The following ARHGAP12 variants were observed in gnomAD, a reference collection of about 807,000 sequenced individuals.
The protein encoded by ARHGAP12 is Rho GTPase activating protein 12.
Under a neutral mutation model 108.6 loss-of-function variants are expected in ARHGAP12, and 64 were observed. The observed-to-expected ratio is 0.59, with a 90% CI of 0.48 to 0.73. The LOEUF (loss-of-function observed/expected upper bound fraction) is 0.73, where lower values mean the gene tolerates loss of function less well. Ranked by LOEUF, ARHGAP12 falls within the 30% of genes least tolerant of loss-of-function variation. ARHGAP12 has a pLI of 0.00. For synonymous variants in ARHGAP12, 312 were observed against 337.2 expected (o/e 0.93, Z 0.82); for missense variants, 940 against 1,005.9 (o/e 0.93, Z 0.89).
intron 4 of ARHGAP12, among the ~76,000 whole-genome samples, chr10:31,859,639 A>G (rs1837036417): frequency 6.6e-6 from 1 of 152,202 alleles, no homozygotes; most frequent in Non-Finnish European, 1.5e-5. Context: ...TAAAATAGCT[A>G]AGAAACATGT....
At position 31,808,668 on chromosome 10, in the gene ARHGAP12, G is replaced by C. The variant is rs1474354871; in HGVS notation, c.2347C>G (p.Leu783Val). Reference protein sequence around the residue: ...PKPNQDTMQILFRHLRRVIEN... With the variant: ...PKPNQDTMQIVFRHLRRVIEN... ...TCCTACCTTCTGAGATGTCGGAAAA[G>C]AATCTGCATTGTGTCTTGGTTTGGC... The change falls in exon 19 of 20, where the codon CTT (leucine) becomes GTT (valine). Residue 783 changes from leucine (L) to valine (V), a missense_variant. By Grantham distance (32) the Leu-to-Val change is conservative (BLOSUM62 1). Transcript: ENST00000344936. The C allele has an allele frequency of 1.9e-6, 3 of 1,612,364 alleles. No homozygotes were observed. Among genetic ancestry groups the C allele is most frequent in the Admixed American group, 1.7e-5 (1 of 59,968 alleles).
intron 3 of ARHGAP12, among the ~76,000 whole-genome samples, chr10:31,886,554 T>C (rs1302705626): frequency 6.6e-6 from 1 of 152,194 alleles, no homozygotes; most frequent in Non-Finnish European, 1.5e-5. Context: ...ACTGACTTTA[T>C]ACAGTAGCCA....
chr10:31,865,877 C>CAAA (rs34210099), intron 3 of ARHGAP12, among the ~76,000 whole-genome samples: 17 of 127,900 alleles, frequency 1.3e-4, no homozygotes, highest in Admixed American at 6.9e-4. Context: ...GACTCCGTCT[C>CAAA]AAAAAAAAAA....
chr10:31,908,343 C>T lies in ARHGAP12; in HGVS notation c.513G>A (p.Gln171=), dbSNP rs536989925. Residue 171 remains glutamine (Q), a synonymous_variant, in exon 3 of 20, where the codon CAG becomes CAA. Coordinates refer to ENST00000344936, the MANE Select transcript of ARHGAP12 (RefSeq NM_018287.7). ...NDSHSPKVSS[Q]NRTRSFGHFP... ...AATGACCAAATGAGCGTGTCCTATT[C>T]TGGCTGGAAACTTTAGGAGAATGTG... is the stretch of plus-strand genomic sequence containing the variant. 30 of 1,614,142 alleles carry T rather than the reference C, an allele frequency of 1.9e-5. No homozygotes were observed. In the South Asian group the frequency reaches 2.7e-4, roughly 15 times the overall value.
chr10:31,897,911 C>T (rs549119095), intron 3 of ARHGAP12, among the ~76,000 whole-genome samples: 155 of 152,158 alleles, frequency 1.0e-3, no homozygotes, highest in African/African-American at 3.5e-3. Flanking sequence ...AGATCGCTTG[C>T]GCCCAGGAGT....
chr10:31,865,091 A>G (rs1201201963), intron 3 of ARHGAP12, among the ~76,000 whole-genome samples: 3 of 152,232 alleles, frequency 2.0e-5, no homozygotes, highest in Non-Finnish European at 2.9e-5. Context: ...AGGAGCAGCA[A>G]GTGAAAGGCC....
chr10:31,874,976 A>T (rs1424756813), intron 3 of ARHGAP12, among the ~76,000 whole-genome samples: 1 of 124,858 alleles, frequency 8.0e-6, no homozygotes, highest in African/African-American at 4.4e-5. Context: ...TCTGTCTCAA[A>T]AAAAAAAAAA....
rs144017036 is a variant in ARHGAP12 at position 31,863,729 on chromosome 10, T to C, written c.685-2071A>G. On this transcript the variant is annotated intron_variant, in intron 3 of 19. Coordinates refer to ENST00000344936, the MANE Select transcript of ARHGAP12 (RefSeq NM_018287.7). ...AACAAGCACAGATATTAAGAAAGTCTGTCTTTAGGAAATCTCATATTGTAA... is the reference window on the plus strand; with the variant it reads ...AACAAGCACAGATATTAAGAAAGTCCGTCTTTAGGAAATCTCATATTGTAA... Among the ~76,000 whole-genome samples the C allele has an allele frequency of 8.5e-4, 130 of 152,252 alleles. 2 individuals carry two copies. In the East Asian group the frequency reaches 0.021, roughly 25 times the overall value.
At chr10:31,810,459 A>T (rs1007082) in intron 16 of ARHGAP12, among the ~76,000 whole-genome samples, 190 bp downstream of exon 16, 35,799 of 152,086 alleles carry the variant, frequency 0.24, 4,549 homozygotes, top group East Asian at 0.47. Context: ...AGATGCCTGG[A>T]GAGATCTTAA....
chr10:31,843,564 T>C lies in ARHGAP12; in HGVS notation c.1193A>G (p.Gln398Arg). ...LPKYNASSQQQREIIKSRSLD... is the reference protein window; with the variant it reads ...LPKYNASSQQRREIIKSRSLD... ...GCTCCTACTTTTAATTATTTCTCTT[T>C]GCTGCTGGGATGAAGCATTATACTA... is the stretch of plus-strand genomic sequence containing the variant. Residue 398 changes from glutamine to arginine, a missense_variant, in exon 7 of 20, where the codon CAA becomes CGA. Coordinates refer to ENST00000344936, the MANE Select transcript of ARHGAP12 (RefSeq NM_018287.7). The C allele has an allele frequency of 6.2e-7, 1 of 1,608,738 alleles. No individual in the cohort carries two copies. The highest frequency in any genetic ancestry group is 8.5e-7 in the Non-Finnish European group (1 of 1,178,534).
rs936574024 is a variant in ARHGAP12 at position 31,843,539 on chromosome 10, G to A, written c.1218C>T (p.Ser406=). ...TTGGTTCTTGCAGCCGCCTGTCCAG[G>A]CTCCTACTTTTAATTATTTCTCTTT... ...QQQREIIKSR[S]LDRRLQEPIV... Residue 406 remains serine, a synonymous_variant, in exon 7 of 20, where the codon AGC becomes AGT. Coordinates refer to ENST00000344936, the MANE Select transcript of ARHGAP12 (RefSeq NM_018287.7). 1.2e-6 allele frequency: 2 copies of A among 1,611,562 alleles called. No homozygotes were observed. The highest frequency in any genetic ancestry group is 2.7e-5 in the African/African-American group (2 of 74,730).
intron 3 of ARHGAP12, among the ~76,000 whole-genome samples, chr10:31,903,394 T>C (rs1375175262): frequency 1.3e-5 from 2 of 152,214 alleles, no homozygotes; most frequent in African/African-American, 4.8e-5. Context: ...TGAAATGTCA[T>C]TATGCGGTGC....
At chr10:31,928,613 C>A (rs2132523285) in intron 1 of ARHGAP12, 70 bp downstream of exon 1, 1 of 152,648 alleles carries the variant, frequency 6.6e-6, no homozygotes, top group African/African-American at 2.4e-5. Flanking sequence ...CAGCCCGGCC[C>A]CGGCGCGCCT....
intron 11 of ARHGAP12, among the ~76,000 whole-genome samples, chr10:31,822,181 A>T (rs1835441229): frequency 6.6e-6 from 1 of 152,184 alleles, no homozygotes; most frequent in Admixed American, 6.5e-5. Flanking sequence ...CTCCCCACCA[A>T]TGTATTCATC....
chr10:31,847,301 T>C (rs1332760682), intron 6 of ARHGAP12, among the ~76,000 whole-genome samples: 4 of 152,142 alleles, frequency 2.6e-5, no homozygotes, highest in African/African-American at 9.6e-5. Flanking sequence ...TATTTGGATG[T>C]TTTGAGTACT....
intron 11 of ARHGAP12, 105 bp downstream of exon 11, chr10:31,826,199 C>A: frequency 1.3e-6 from 1 of 764,300 alleles, no homozygotes; most frequent in Non-Finnish European, 2.0e-6. Context: ...TATTTGCACA[C>A]TAGCTATAAC....
At chr10:31,814,441 T>TC in intron 13 of ARHGAP12, 80 bp from the exon 14 acceptor site, 1 of 1,148,636 alleles carries the variant, frequency 8.7e-7, no homozygotes, top group Non-Finnish European at 1.3e-6. Flanking sequence ...TCACAATGAC[T>TC]ATTGTAAATG....
chr10:31,874,523 T>C (rs1199021383), intron 3 of ARHGAP12, among the ~76,000 whole-genome samples: 1 of 152,220 alleles, frequency 6.6e-6, no homozygotes, highest in Non-Finnish European at 1.5e-5. Context: ...CTTAAAGCTG[T>C]CTTGAAAACA....
chr10:31,862,632 C>CCTCTGCA (rs1188714880), intron 3 of ARHGAP12, among the ~76,000 whole-genome samples: 1 of 151,820 alleles, frequency 6.6e-6, no homozygotes, highest in African/African-American at 2.4e-5. Flanking sequence ...TAAGGGCTAT[C>CCTCTGCA]CTCTGCACTG....
Sources: allele counts gnomAD v4.1 joint callset (sites outside exome capture counted in the v4.1 genomes callset), GRCh38; gene constraint gnomAD v4.1.1; transcripts MANE v1.5; gene names NCBI Gene and HGNC (gene_info 2026-07-23, HGNC 2026-07-21).